The following TMEM233 variants were observed in gnomAD, a reference collection of about 807,000 sequenced individuals.
TMEM233 encodes dispanin subfamily B member 2.
TMEM233 carries 6 observed loss-of-function variants against 11.2 expected under a neutral mutation model. That is an observed-to-expected ratio of 0.54 (90% CI 0.29 to 1.06). TMEM233 has a LOEUF of 1.06. Among genes scored for constraint, TMEM233 ranks in the 50% least tolerant of loss-of-function variants. The probability of loss-of-function intolerance (pLI) is 0.08; values close to 1 mark genes in which losing one functional copy is unlikely to be tolerated. For missense variants in TMEM233, 127 were observed against 144.7 expected, an observed-to-expected ratio of 0.88 and a Z score of 0.63; for synonymous variants, 59 against 55.8, an observed-to-expected ratio of 1.06 and a Z score of -0.26.
intron 1 of TMEM233, among the ~76,000 whole-genome samples, chr12:119,605,878 C>T (rs973869727): frequency 6.6e-6 from 1 of 152,090 alleles, no homozygotes; most frequent in African/African-American, 2.4e-5. Flanking sequence ...TAACCATAGA[C>T]AGCCAAAAGG....
intron 1 of TMEM233, among the ~76,000 whole-genome samples, chr12:119,624,204 AC>A (rs942560131): frequency 3.3e-5 from 5 of 151,670 alleles, no homozygotes; most frequent in African/African-American, 9.7e-5. Context: ...TAAAAAAAAA[AC>A]AAAAATTAGC....
chr12:119,629,738 T>C lies in TMEM233; in HGVS notation c.189T>C (p.Ser63=), dbSNP rs1954839734. 6.4e-7 allele frequency: 1 copy of C among 1,550,418 alleles called. No individual in the cohort carries two copies. The change falls in exon 2 of 3, where the codon TCT becomes TCC. Residue 63 remains serine, a splice_region_variant and synonymous_variant. Transcript: ENST00000426426. The part of the protein sequence containing the change: ...NIVALVFSIM[S]LNSYNDGDYE... ...AGCTCTTCCCTTCTGTCCCCCAGTC[T>C]CTGAACAGCTACAACGATGGAGACT...
chr12:119,629,681 ATCCCTTT>A lies in TMEM233; in HGVS notation c.187-54_187-48del, dbSNP rs1954837854. The A allele has an allele frequency of 2.0e-6, 3 of 1,507,070 alleles. No homozygotes were observed. The South Asian group carries it at 3.9e-5, about 20-fold the overall frequency. The allele number at this position is 1,507,070 out of a possible 1,614,324, so 93.4% of individuals were successfully genotyped here. On this transcript the variant is annotated intron_variant, in intron 1 of 2. Transcript: ENST00000426426. ...TCATCAGGACAGCCTGAGGACCTCCATCCCTTTCCCTGTGGGTTATCTGTCATCACCA... is the reference window on the plus strand; with the variant it reads ...TCATCAGGACAGCCTGAGGACCTCCACCCTGTGGGTTATCTGTCATCACCA...
At chr12:119,624,782 G>A (rs550784622) in intron 1 of TMEM233, among the ~76,000 whole-genome samples, 7 of 152,220 alleles carry the variant, frequency 4.6e-5, no homozygotes, top group African/African-American at 1.2e-4. Context: ...ACAGCAATGC[G>A]AATGTACATA....
Position 119,615,173 on chromosome 12 carries a change from T to TAAAAAAAAAAA in TMEM233, c.187-14540_187-14530dup, listed in dbSNP as rs60318959. Among the ~76,000 whole-genome samples the TAAAAAAAAAAA allele has an allele frequency of 5.0e-4, 28 of 56,196 alleles. 1 individual carries two copies. Among genetic ancestry groups the TAAAAAAAAAAA allele is most frequent in the African/African-American group, 1.5e-3 (21 of 13,744 alleles). The allele number at this position is 56,196 out of a possible 152,430, so 36.9% of individuals were successfully genotyped here. On this transcript the variant is annotated intron_variant, in intron 1 of 2. Coordinates refer to ENST00000426426, the MANE Select transcript of TMEM233 (RefSeq NM_001136534.3). Reference sequence around the variant, plus strand: ...AGGTCTCAGTCTACCCGCTTTCTGCTAAAAAAAAAAAAAAAAAAAAAAAAA... The same window carrying TAAAAAAAAAAA: ...AGGTCTCAGTCTACCCGCTTTCTGCTAAAAAAAAAAAAAAAAAAAAAAAAAAAAAAAAAAAA...
chr12:119,612,273 G>A (rs942256395), intron 1 of TMEM233, among the ~76,000 whole-genome samples: 3 of 151,908 alleles, frequency 2.0e-5, no homozygotes, highest in Admixed American at 1.3e-4. Flanking sequence ...GATTACAGGC[G>A]TGAGCCACTG....
rs551251540 is a variant in TMEM233 at position 119,642,539 on chromosome 12, T to C, written c.*1834T>C. On this transcript the variant is annotated 3_prime_UTR_variant, in exon 3 of 3. Coordinates refer to ENST00000426426, the MANE Select transcript of TMEM233 (RefSeq NM_001136534.3). The stretch of plus-strand genomic sequence containing the variant: ...TAAGAGGCTGAGAGTCAATACCTAG[T>C]TCCAACGCCCTTTTGTTTTTGCAGG... 6.6e-6 allele frequency: 1 copy of C among 152,286 alleles called. No individual in the cohort carries two copies. Among genetic ancestry groups the C allele is most frequent in the Admixed American group, 6.5e-5 (1 of 15,296 alleles). 9.4% of individuals were successfully genotyped at this position (152,286 alleles called of 1,614,324 possible).
At chr12:119,644,677 C>T (rs560880490), downstream of TMEM233, among the ~76,000 whole-genome samples, 8 of 152,056 alleles carry the variant, frequency 5.3e-5, no homozygotes, top group Middle Eastern at 6.8e-3. Context: ...CTGGGTTTCA[C>T]CATGTTGGCC....
At chr12:119,618,027 C>T (rs908205838) in intron 1 of TMEM233, among the ~76,000 whole-genome samples, 1 of 152,224 alleles carries the variant, frequency 6.6e-6, no homozygotes, top group South Asian at 2.1e-4. Flanking sequence ...GGCCCAGGGA[C>T]CCCCTGCTGT....
intron 2 of TMEM233, among the ~76,000 whole-genome samples, chr12:119,637,950 T>C (rs1434381227): frequency 6.6e-6 from 1 of 152,186 alleles, no homozygotes; most frequent in Non-Finnish European, 1.5e-5. Context: ...TTGACCAGGA[T>C]GTGAAAAATT....
At chr12:119,615,476 C>A (rs984217921) in intron 1 of TMEM233, among the ~76,000 whole-genome samples, 4 of 152,160 alleles carry the variant, frequency 2.6e-5, no homozygotes, top group African/African-American at 7.2e-5. Context: ...GGGGTCCCAC[C>A]CCCAGAGAGC....
chr12:119,626,472 G>GA (rs750511494), intron 1 of TMEM233, among the ~76,000 whole-genome samples: 1,650 of 24,076 alleles, frequency 0.069, 164 homozygotes, highest in African/African-American at 0.13. Flanking sequence ...TCCGTCTCCG[G>GA]AAAAAAAAAA....
rs373701053 is a variant in TMEM233 at position 119,614,287 on chromosome 12, AT to A, written c.187-15448del. Among the ~76,000 whole-genome samples the A allele has an allele frequency of 5.0e-3, 756 of 151,802 alleles. 10 individuals are homozygous for A. The highest frequency in any genetic ancestry group is 0.017 in the African/African-American group (723 of 41,378). The stretch of plus-strand genomic sequence containing the variant: ...CTGGGTATGGTGGCGTGCATCTGTA[AT>A]CCCAGCTACTTGGCAGGCTGAGGTG... On this transcript the variant is annotated intron_variant, in intron 1 of 2. Coordinates refer to ENST00000426426, the MANE Select transcript of TMEM233 (RefSeq NM_001136534.3).
At chr12:119,604,998 C>CT (rs1555264652) in intron 1 of TMEM233, among the ~76,000 whole-genome samples, 4,368 of 141,414 alleles carry the variant, frequency 0.031, 132 homozygotes, top group Admixed American at 0.075. Context: ...CCCTCACTAT[C>CT]TTTTTTTTTT....
intron 1 of TMEM233, among the ~76,000 whole-genome samples, chr12:119,601,142 T>A (rs574254280): frequency 4.6e-5 from 7 of 151,916 alleles, no homozygotes; most frequent in South Asian, 2.1e-4. Flanking sequence ...ATAGAAAAAA[T>A]TCCCAGAACT....
At chr12:119,622,107 C>G (rs905227320) in intron 1 of TMEM233, among the ~76,000 whole-genome samples, 3 of 152,206 alleles carry the variant, frequency 2.0e-5, no homozygotes, top group Admixed American at 6.5e-5. Flanking sequence ...CAGACTGACT[C>G]TGTTATTCTT....
chr12:119,594,603 T>C lies in TMEM233; in HGVS notation c.186+569T>C, dbSNP rs563557450. On this transcript the variant is annotated intron_variant, in intron 1 of 2. Coordinates refer to ENST00000426426, the MANE Select transcript of TMEM233 (RefSeq NM_001136534.3). The surrounding 1 kb of genome is among the most constrained non-coding windows in gnomAD (Gnocchi z 5.6). Reference sequence around the variant, plus strand: ...CACTCTCCGGGGGGTCCCCAGGCGATTCCTGATGCCCCCTCCTTGATCCCG... The same window carrying C: ...CACTCTCCGGGGGGTCCCCAGGCGACTCCTGATGCCCCCTCCTTGATCCCG... The C allele has an allele frequency of 6.5e-6, 1 of 153,834 alleles. No individual in the cohort carries two copies. The highest frequency in any genetic ancestry group is 2.4e-5 in the African/African-American group (1 of 41,594). The allele number at this position is 153,834 out of a possible 1,614,324, so 9.5% of individuals were successfully genotyped here. A position where few individuals can be genotyped will look rare whatever the true frequency, so the allele number is the denominator to read the frequency against.
Position 119,640,791 on chromosome 12 carries a change from G to T in TMEM233, c.*86G>T. 2.1e-6 allele frequency: 3 copies of T among 1,444,350 alleles called. No homozygotes were observed. The highest frequency in any genetic ancestry group is 2.8e-6 in the Non-Finnish European group (3 of 1,056,142). The allele number at this position is 1,444,350 out of a possible 1,614,324, so 89.5% of individuals were successfully genotyped here. A position where few individuals can be genotyped will look rare whatever the true frequency, so the allele number is the denominator to read the frequency against. ...AGGAGTTTCTAAGGAATGGATCCTT[G>T]ACTTCAGACTGTGAGATCTTTTCCT... On this transcript the variant is annotated 3_prime_UTR_variant, in exon 3 of 3. Coordinates refer to ENST00000426426, the MANE Select transcript of TMEM233 (RefSeq NM_001136534.3).
chr12:119,649,982 C>A, the TMEM233 span, among the ~76,000 whole-genome samples: 5 of 151,424 alleles, frequency 3.3e-5, no homozygotes, highest in East Asian at 9.7e-4. Flanking sequence ...CACGTTGAAA[C>A]CCCGTCTCTA....
Sources: gnomAD v4.1 joint callset for allele counts (sites outside exome capture counted in the v4.1 genomes callset) on GRCh38, gnomAD v4.1.1 for gene constraint, Gnocchi (gnomAD v3.1) non-coding constraint, MANE v1.5 for transcripts, NCBI Gene and HGNC (gene_info 2026-07-23, HGNC 2026-07-21) for gene names.